The following ELAPOR2 variants were observed in gnomAD, a reference collection of about 807,000 sequenced individuals.
The protein encoded by ELAPOR2 is endosome-lysosome associated apoptosis and autophagy regulator family member 2.
A neutral mutation model predicts 120.7 loss-of-function variants in ELAPOR2; 89 were observed. That is an observed-to-expected ratio of 0.74 (90% confidence interval 0.62 to 0.88). The LOEUF is 0.88. Ranked by LOEUF, ELAPOR2 falls within the 40% of genes least tolerant of loss-of-function variation. ELAPOR2 has a pLI of 0.00. For missense variants in ELAPOR2, 1,134 were observed against 1,251.6 expected (o/e 0.91, Z 1.42); for synonymous variants, 444 against 444.9 (o/e 1.00, Z 0.03).
chr7:87,001,535 T>C (rs1435501186), intron 1 of ELAPOR2, among the ~76,000 whole-genome samples: 1 of 152,036 alleles, frequency 6.6e-6, no homozygotes, highest in Non-Finnish European at 1.5e-5. Context: ...ACCTCAAAGA[T>C]CCACAACATC....
chr7:87,029,888 C>A (rs1584016416), intron 1 of ELAPOR2, among the ~76,000 whole-genome samples: 1 of 151,856 alleles, frequency 6.6e-6, no homozygotes, highest in African/African-American at 2.4e-5. Flanking sequence ...CACAACATTA[C>A]AGTATAAGAA....
At chr7:86,960,247 G>C (rs972270857) in intron 2 of ELAPOR2, among the ~76,000 whole-genome samples, 5 of 152,008 alleles carry the variant, frequency 3.3e-5, no homozygotes, top group African/African-American at 1.2e-4. Flanking sequence ...TAAGTCTGCT[G>C]GTTTTGTTTT....
chr7:87,055,048 C>T (rs1795220172), intron 1 of ELAPOR2, among the ~76,000 whole-genome samples: 1 of 152,158 alleles, frequency 6.6e-6, no homozygotes, highest in Non-Finnish European at 1.5e-5. Context: ...GTTCTCACTC[C>T]CTGCATGATC....
intron 18 of ELAPOR2, among the ~76,000 whole-genome samples, chr7:86,905,070 A>G (rs1204812151): frequency 1.0e-5 from 1 of 98,148 alleles, no homozygotes; most frequent in Non-Finnish European, 2.0e-5. Context: ...ACAGAGAGAG[A>G]GAAGGAAGGA....
chr7:86,950,910 A>G (rs934827584), intron 2 of ELAPOR2, among the ~76,000 whole-genome samples: 3 of 152,270 alleles, frequency 2.0e-5, no homozygotes, highest in African/African-American at 4.8e-5. Flanking sequence ...AGTGCCTGGC[A>G]TATAACAAAT....
chr7:86,921,994 C>T (rs1403443720), intron 10 of ELAPOR2, among the ~76,000 whole-genome samples: 2 of 151,852 alleles, frequency 1.3e-5, no homozygotes, highest in African/African-American at 2.4e-5. Context: ...TTATTTAACC[C>T]AATATACACA....
chr7:86,987,330 G>T (rs972291072), intron 1 of ELAPOR2, among the ~76,000 whole-genome samples: 65 of 152,090 alleles, frequency 4.3e-4, no homozygotes, highest in Admixed American at 7.2e-4. Context: ...AGCAACAAAA[G>T]CCAAAATAGA....
In ELAPOR2 at chr7:86,891,895, T is replaced by A. The variant is rs769815339; in HGVS notation, c.2865-6A>T. On this transcript the variant is annotated splice_polypyrimidine_tract_variant and splice_region_variant and intron_variant, in intron 20 of 21. Transcript: ENST00000450689. ...TGGAATATTTGTATTCCAGTCTAAA[T>A]AGTGATAAAATAAATAAACAAATAA... The A allele has an allele frequency of 6.5e-7, 1 of 1,548,128 alleles. No individual in the cohort carries two copies. The highest frequency in any genetic ancestry group is 1.2e-5 in the South Asian group (1 of 84,050).
At chr7:87,040,525 G>A (rs1794748399) in intron 1 of ELAPOR2, among the ~76,000 whole-genome samples, 1 of 152,144 alleles carries the variant, frequency 6.6e-6, no homozygotes, top group African/African-American at 2.4e-5. Context: ...ACACTGCAGG[G>A]TATTCCAACA....
At chr7:86,979,563 T>C (rs1792392273) in intron 1 of ELAPOR2, among the ~76,000 whole-genome samples, 1 of 152,230 alleles carries the variant, frequency 6.6e-6, no homozygotes, top group African/African-American at 2.4e-5. Context: ...GTACATTAAT[T>C]GGCAGATGCC....
intron 18 of ELAPOR2, among the ~76,000 whole-genome samples, chr7:86,905,248 A>G (rs940751402): frequency 2.0e-5 from 3 of 151,228 alleles, no homozygotes; most frequent in African/African-American, 7.3e-5. Flanking sequence ...CTTAAAAAAT[A>G]GCCTGAGAAA....
rs537447182 is a variant in ELAPOR2, at chr7:86,974,316, A to T, written c.190-9292T>A. 1.7e-4 allele frequency among the ~76,000 whole-genome samples: 26 copies of T among 152,236 alleles called. 1 individual carries two copies. In the South Asian group the frequency reaches 4.8e-3, roughly 28 times the overall value. On this transcript the variant is annotated intron_variant, in intron 1 of 21. Transcript: ENST00000450689. ...CAAAATTTCCAAATATATTATATAT[A>T]CCCCGTGATACCTCAATTCCACTTC... is the stretch of plus-strand genomic sequence containing the variant.
At chr7:87,023,133 C>T (rs1468733076) in intron 1 of ELAPOR2, among the ~76,000 whole-genome samples, 2 of 152,098 alleles carry the variant, frequency 1.3e-5, no homozygotes, top group Non-Finnish European at 2.9e-5. Context: ...ACATGAAGTC[C>T]TTGCCCATGC....
intron 8 of ELAPOR2, among the ~76,000 whole-genome samples, chr7:86,929,834 T>A (rs2519710): frequency 0.063 from 9,607 of 151,818 alleles, 371 homozygotes; most frequent in African/African-American, 0.11. Flanking sequence ...TGAGTTCTCA[T>A]GAGATCTGGT....
chr7:86,933,205 A>G (rs13240784), intron 8 of ELAPOR2, among the ~76,000 whole-genome samples: 168 of 152,028 alleles, frequency 1.1e-3, no homozygotes, highest in Middle Eastern at 3.4e-3. Flanking sequence ...TGATTCTTCA[A>G]TTAGTCATAT....
chr7:86,946,290 G>T (rs1791005623), intron 3 of ELAPOR2, among the ~76,000 whole-genome samples: 1 of 152,062 alleles, frequency 6.6e-6, no homozygotes, highest in Non-Finnish European at 1.5e-5. Context: ...ATATACTACT[G>T]GTGGGAGTCT....
At chr7:87,028,663 A>G (rs1182886816) in intron 1 of ELAPOR2, among the ~76,000 whole-genome samples, 1 of 152,120 alleles carries the variant, frequency 6.6e-6, no homozygotes, top group Non-Finnish European at 1.5e-5. Context: ...TGTTACCCAC[A>G]TCTCTGGCAG....
intron 5 of ELAPOR2, chr7:86,941,293 GTC>G: frequency 1.9e-6 from 1 of 529,232 alleles, no homozygotes; most frequent in South Asian, 1.4e-5. Context: ...TTAAATCCAT[GTC>G]TCTCTCACTC....
chr7:86,986,302 G>A lies in ELAPOR2; in HGVS notation c.190-21278C>T, dbSNP rs1302911848. The stretch of plus-strand genomic sequence containing the variant: ...AAATTAGCCGGGCGTAGTGGCGGGC[G>A]CCTGTAGTCCCAGCTACTTGGGAGG... On this transcript the variant is annotated intron_variant, in intron 1 of 21. Coordinates refer to ENST00000450689, the MANE Select transcript of ELAPOR2 (RefSeq NM_001142749.3). 1.7e-5 allele frequency among the ~76,000 whole-genome samples: 2 copies of A among 115,078 alleles called. 1 individual carries two copies. The highest frequency in any genetic ancestry group is 3.5e-5 in the Non-Finnish European group (2 of 56,648). The allele number at this position is 115,078 out of a possible 152,430, so 75.5% of individuals were successfully genotyped here.
Sources: allele counts gnomAD v4.1 joint callset (sites outside exome capture counted in the v4.1 genomes callset), GRCh38; gene constraint gnomAD v4.1.1; transcripts MANE v1.5; gene names NCBI Gene and HGNC (gene_info 2026-07-23, HGNC 2026-07-21).